The following PIK3AP1 variants were observed in gnomAD, a reference collection of about 807,000 sequenced individuals.
PIK3AP1 encodes the protein phosphoinositide-3-kinase adaptor protein 1.
Under a neutral mutation model 88.1 loss-of-function variants are expected in PIK3AP1, and 21 were observed. The ratio of observed to expected loss-of-function variants is 0.24; its 90% confidence interval spans 0.17 to 0.34. The LOEUF (loss-of-function observed/expected upper bound fraction) is 0.34, where lower values mean the gene tolerates loss of function less well. PIK3AP1 is among the 10% of genes least tolerant of loss of function. The pLI is 1.00. For missense variants in PIK3AP1, 828 were observed against 1,035.7 expected (o/e 0.80, Z 2.75); for synonymous variants, 398 against 400.0 (o/e 1.00, Z 0.06).
chr10:96,687,274 A>G (rs931589361), intron 2 of PIK3AP1, among the ~76,000 whole-genome samples: 35 of 136,280 alleles, frequency 2.6e-4, no homozygotes, highest in South Asian at 1.0e-3. Context: ...AAAAAAAAAA[A>G]AAAAAAAAAA....
intron 2 of PIK3AP1, among the ~76,000 whole-genome samples, chr10:96,663,741 G>A (rs972631460): frequency 4.7e-5 from 7 of 149,572 alleles, no homozygotes; most frequent in African/African-American, 9.9e-5. Flanking sequence ...AAGATGTCAC[G>A]AAATCTCTTT....
chr10:96,624,654 C>G (rs1033154862), intron 10 of PIK3AP1, among the ~76,000 whole-genome samples: 1 of 81,794 alleles, frequency 1.2e-5, no homozygotes, highest in Non-Finnish European at 2.7e-5. Context: ...ACAGCAAGAC[C>G]CTGTCTCAAA....
At chr10:96,620,128 C>T (rs987664059) in intron 12 of PIK3AP1, among the ~76,000 whole-genome samples, 1 of 152,138 alleles carries the variant, frequency 6.6e-6, no homozygotes, top group Non-Finnish European at 1.5e-5. Flanking sequence ...TCTCAAGCCT[C>T]ATGGTACCTG....
chr10:96,596,113 T>C (rs7097291), intron 16 of PIK3AP1, among the ~76,000 whole-genome samples: 91,440 of 152,014 alleles, frequency 0.6, 28,747 homozygotes, highest in East Asian at 0.83. Flanking sequence ...CCAGTCCAGA[T>C]GCATGCCCCA....
chr10:96,681,662 C>T (rs1334258788), intron 2 of PIK3AP1, among the ~76,000 whole-genome samples: 4 of 152,204 alleles, frequency 2.6e-5, no homozygotes, highest in Middle Eastern at 3.4e-3. Flanking sequence ...GGCACCGAAC[C>T]GGAGGCTGCT....
At chr10:96,660,751 G>A (rs775321498) in intron 2 of PIK3AP1, among the ~76,000 whole-genome samples, 11 of 152,154 alleles carry the variant, frequency 7.2e-5, no homozygotes, top group African/African-American at 2.2e-4. Flanking sequence ...ACTTGGAAGT[G>A]ACCAAGATGT....
intron 2 of PIK3AP1, among the ~76,000 whole-genome samples, chr10:96,687,209 C>T (rs1844081362): frequency 7.6e-6 from 1 of 130,990 alleles, no homozygotes; most frequent in Admixed American, 9.7e-5. Flanking sequence ...TGAGCCGAGA[C>T]AGCGCCACCG....
chr10:96,623,360 G>T, intron 11 of PIK3AP1, 112 bp downstream of exon 11: 1 of 1,073,490 alleles, frequency 9.3e-7, no homozygotes, highest in Non-Finnish European at 1.4e-6. Context: ...ATGATGCCTG[G>T]CCTAGATCCC....
Position 96,624,756 on chromosome 10 carries a change from G to A in PIK3AP1, c.1670-1219C>T, listed in dbSNP as rs186260235. 3.8e-3 allele frequency among the ~76,000 whole-genome samples: 573 copies of A among 152,096 alleles called. 3 individuals are homozygous for A. The highest frequency in any genetic ancestry group is 7.0e-3 in the Non-Finnish European group (476 of 68,008). On this transcript the variant is annotated intron_variant, in intron 10 of 16. Coordinates refer to ENST00000339364, the MANE Select transcript of PIK3AP1 (RefSeq NM_152309.3). ...GCTGAGAGATGAACCCAGGTGTTCT[G>A]GCATCCAAGCCATTGCCCCTTTTGT... is the stretch of plus-strand genomic sequence containing the variant.
At chr10:96,694,430 A>G (rs1184618142) in intron 2 of PIK3AP1, among the ~76,000 whole-genome samples, 1 of 151,810 alleles carries the variant, frequency 6.6e-6, no homozygotes, top group Non-Finnish European at 1.5e-5. Flanking sequence ...TACTTTGTTC[A>G]TTTTAAACTA....
intron 2 of PIK3AP1, among the ~76,000 whole-genome samples, chr10:96,673,118 G>A (rs925025621): frequency 2.0e-5 from 3 of 152,174 alleles, no homozygotes; most frequent in Non-Finnish European, 4.4e-5. Flanking sequence ...TGACCCAAAA[G>A]GGGAAAAGAT....
At chr10:96,717,083 C>A (rs1189699038) in intron 1 of PIK3AP1, among the ~76,000 whole-genome samples, 4 of 151,954 alleles carry the variant, frequency 2.6e-5, no homozygotes, top group Non-Finnish European at 4.4e-5. Context: ...CATGGTGAAA[C>A]CCTGTCTCTA....
At position 96,720,201 on chromosome 10, in the gene PIK3AP1, G is replaced by T. The variant is rs1450144980; in HGVS notation, c.13+181C>A. 3.9e-5 allele frequency among the ~76,000 whole-genome samples: 6 copies of T among 152,212 alleles called. No homozygotes were observed. Among genetic ancestry groups the T allele is most frequent in the Admixed American group, 1.3e-4 (2 of 15,286 alleles). ...AGAGAATCGCGCCACAGGCTGGGACGGGAAACGTGGGAAAGTTGGAGTGGG... is the reference window on the plus strand; with the variant it reads ...AGAGAATCGCGCCACAGGCTGGGACTGGAAACGTGGGAAAGTTGGAGTGGG... On this transcript the variant is annotated intron_variant, in intron 1 of 16. Coordinates refer to ENST00000339364, the MANE Select transcript of PIK3AP1 (RefSeq NM_152309.3). The surrounding 1 kb of genome is among the most constrained non-coding windows in gnomAD (Gnocchi z 4.6).
At position 96,626,700 on chromosome 10, in the gene PIK3AP1, A is replaced by G; in HGVS notation, c.1669+8T>C. 2 of 1,613,482 alleles carry G rather than the reference A, an allele frequency of 1.2e-6. No homozygotes were observed. The highest frequency in any genetic ancestry group is 2.2e-5 in the South Asian group (2 of 91,058). On this transcript the variant is annotated splice_region_variant and intron_variant, in intron 10 of 16. Transcript: ENST00000339364. Reference sequence around the variant, plus strand: ...ACCCAGTTGGACATCATTCCCTGCCATACTTGCCTTTAAAAATGTATGGTT... The same window carrying G: ...ACCCAGTTGGACATCATTCCCTGCCGTACTTGCCTTTAAAAATGTATGGTT...
At chr10:96,669,967 G>A (rs1843820390) in intron 2 of PIK3AP1, among the ~76,000 whole-genome samples, 1 of 151,892 alleles carries the variant, frequency 6.6e-6, no homozygotes. Flanking sequence ...CTAAGGTCAG[G>A]AGTTCGAGAC....
intron 8 of PIK3AP1, among the ~76,000 whole-genome samples, chr10:96,629,886 C>G (rs933255212): frequency 5.9e-5 from 4 of 68,016 alleles, no homozygotes; most frequent in Admixed American, 5.8e-4. Flanking sequence ...AGAGCAAGAC[C>G]CTGTCTCAAT....
In PIK3AP1 at chr10:96,651,304, G is replaced by A. The variant is rs771147402; in HGVS notation, c.932C>T (p.Ala311Val). ...GATTCCAAAGAGGTGCAGTCCGCTT[G>A]CAGGGATATTGTTCTTCAGGGATTC... The part of the protein sequence containing the change: ...LTESLKNNIP[A>V]SGLHLFGINQ... The change falls in exon 6 of 17, where the codon GCA becomes GTA. Residue 311 changes from alanine (A) to valine (V), a missense_variant. This residue lies in a region of PIK3AP1 where 610 missense variants were observed against 760.1 expected (regional missense o/e 0.80). Coordinates refer to ENST00000339364, the MANE Select transcript of PIK3AP1 (RefSeq NM_152309.3). The A allele has an allele frequency of 6.2e-7, 1 of 1,614,208 alleles. No homozygotes were observed. The highest frequency in any genetic ancestry group is 8.5e-7 in the Non-Finnish European group (1 of 1,180,026).
At chr10:96,600,215 A>G (rs375233421) in intron 16 of PIK3AP1, among the ~76,000 whole-genome samples, 1 of 152,356 alleles carries the variant, frequency 6.6e-6, no homozygotes. Flanking sequence ...GCCCAATCTC[A>G]AGCCCCAGTT....
rs528008580 is a variant in PIK3AP1 at position 96,705,767 on chromosome 10, G to C, written c.430+3800C>G. 3.3e-5 allele frequency among the ~76,000 whole-genome samples: 5 copies of C among 150,718 alleles called. No homozygotes were observed. In the East Asian group the frequency reaches 9.8e-4, roughly 30 times the overall value. On this transcript the variant is annotated intron_variant, in intron 2 of 16. Transcript: ENST00000339364. ...CCAGCTAATTTTTGTATTTTTTGTA[G>C]AGACAGGGTTTTGCCATGTTGTCCA... is the stretch of plus-strand genomic sequence containing the variant.
Sources: allele counts gnomAD v4.1 joint callset (sites outside exome capture counted in the v4.1 genomes callset), GRCh38; gene constraint gnomAD v4.1.1; regional missense constraint gnomAD v4.1.1; non-coding constraint Gnocchi (gnomAD v3.1); transcripts MANE v1.5; gene names NCBI Gene and HGNC (gene_info 2026-07-23, HGNC 2026-07-21).